NYAP2: variants seen among roughly 807,000 people sequenced by gnomAD.
NYAP2 encodes the protein neuronal tyrosine-phosphorylated phosphoinositide-3-kinase adapter 2.
A neutral mutation model predicts 50.4 loss-of-function variants in NYAP2; 23 were observed. The observed-to-expected ratio is 0.46, with a 90% CI of 0.33 to 0.65. The LOEUF (loss-of-function observed/expected upper bound fraction) is 0.65, where lower values mean the gene tolerates loss of function less well. Among genes scored for constraint, NYAP2 ranks in the 30% least tolerant of loss-of-function variants. The probability of loss-of-function intolerance (pLI) is 0.02; values close to 1 mark genes in which losing one functional copy is unlikely to be tolerated. For synonymous variants in NYAP2, 394 were observed against 365.2 expected (o/e 1.08, Z -0.90); for missense variants, 885 against 861.0 (o/e 1.03, Z -0.35).
At chr2:225,585,488 C>T (rs554730782) in intron 5 of NYAP2, among the ~76,000 whole-genome samples, 1 of 152,336 alleles carries the variant, frequency 6.6e-6, no homozygotes, top group South Asian at 2.1e-4. Flanking sequence ...CAAAAACAAG[C>T]TTTGTGTACT....
intron 3 of NYAP2, among the ~76,000 whole-genome samples, chr2:225,449,596 T>A (rs1689615766): frequency 6.8e-6 from 1 of 147,832 alleles, no homozygotes; most frequent in Admixed American, 6.7e-5. Flanking sequence ...TCTCTCTCTC[T>A]TTCTCTTTTT....
intron 3 of NYAP2, among the ~76,000 whole-genome samples, chr2:225,484,943 A>G (rs1690265025): frequency 2.0e-5 from 3 of 152,260 alleles, no homozygotes; most frequent in Admixed American, 6.5e-5. Flanking sequence ...GGTGAGGCCC[A>G]TCAGTGTGAG....
At chr2:225,407,579 C>T (rs9288607) in intron 2 of NYAP2, among the ~76,000 whole-genome samples, 120,157 of 151,740 alleles carry the variant, frequency 0.79, 47,810 homozygotes, top group Non-Finnish European at 0.82. Context: ...TGGAACATGA[C>T]TATACCTGTA....
At chr2:225,662,723 A>G in the NYAP2 span, among the ~76,000 whole-genome samples, 3 of 152,380 alleles carry the variant, frequency 2.0e-5, no homozygotes, top group Admixed American at 2.0e-4. Flanking sequence ...AGGTGTCAGG[A>G]GTAATCCTAC....
At chr2:225,672,070 G>A in the NYAP2 span, among the ~76,000 whole-genome samples, 1,099 of 152,112 alleles carry the variant, frequency 7.2e-3, 15 homozygotes, top group African/African-American at 0.025. Flanking sequence ...AATAGTAAAT[G>A]AGCATTGGCT....
chr2:225,543,641 C>A (rs1691515994), intron 4 of NYAP2, among the ~76,000 whole-genome samples: 1 of 151,938 alleles, frequency 6.6e-6, no homozygotes, highest in South Asian at 2.1e-4. Flanking sequence ...GATATTATTT[C>A]AATTTTTTTA....
At chr2:225,629,331 AG>A (rs1193494839) in intron 6 of NYAP2, among the ~76,000 whole-genome samples, 1 of 152,186 alleles carries the variant, frequency 6.6e-6, no homozygotes, top group African/African-American at 2.4e-5. Context: ...CACCTAGGTG[AG>A]GGTGATTTTC....
At chr2:225,475,675 A>G (rs761559795) in intron 3 of NYAP2, among the ~76,000 whole-genome samples, 2 of 152,166 alleles carry the variant, frequency 1.3e-5, no homozygotes, top group Non-Finnish European at 2.9e-5. Context: ...GAAATCAGAT[A>G]TTTTGCAATT....
rs779116541 is a variant in NYAP2, at chr2:225,582,091, ACTC to A, written c.680_682del (p.Ser227del). 3.5e-5 allele frequency: 56 copies of A among 1,613,704 alleles called. No homozygotes were observed. Among genetic ancestry groups the A allele is most frequent in the Non-Finnish European group, 4.3e-5 (51 of 1,179,850 alleles). ...CCCCGGAGGACGTCGCTGCCGCGGG[ACTC>A]CTCCTTGTCCCAGATGGGCAGCCCC... On this transcript the variant is annotated inframe_deletion, in exon 5 of 7. Coordinates refer to ENST00000636099, the Ensembl canonical transcript of NYAP2. This position sits in a 1 kb window ranked among gnomAD's most constrained non-coding sequence, Gnocchi z 7.0.
chr2:225,546,532 T>C (rs1186758818), intron 4 of NYAP2, among the ~76,000 whole-genome samples: 2 of 152,064 alleles, frequency 1.3e-5, no homozygotes, highest in South Asian at 2.1e-4. Context: ...CCCAGGTCTC[T>C]TCAGTCAGCT....
chr2:225,636,027 G>A (rs554100476), intron 6 of NYAP2, among the ~76,000 whole-genome samples: 21 of 151,954 alleles, frequency 1.4e-4, no homozygotes, highest in Admixed American at 1.2e-3. Context: ...TTTCTTCAAC[G>A]TATACTTTGT....
intron 3 of NYAP2, among the ~76,000 whole-genome samples, chr2:225,494,600 G>A (rs1186465565): frequency 6.6e-6 from 1 of 152,222 alleles, no homozygotes; most frequent in Non-Finnish European, 1.5e-5. Flanking sequence ...GTCCTAGAGA[G>A]TGTGAGACAG....
At chr2:225,461,829 T>C (rs541896572) in intron 3 of NYAP2, among the ~76,000 whole-genome samples, 54 of 152,340 alleles carry the variant, frequency 3.5e-4, no homozygotes, top group African/African-American at 1.2e-3. Flanking sequence ...ATAATTATTA[T>C]AGACTTTTAA....
chr2:225,472,886 G>A (rs1690035733), intron 3 of NYAP2, among the ~76,000 whole-genome samples: 1 of 151,992 alleles, frequency 6.6e-6, no homozygotes, highest in Non-Finnish European at 1.5e-5. Context: ...GTATACATGT[G>A]CCATGTTGGT....
intron 5 of NYAP2, among the ~76,000 whole-genome samples, chr2:225,616,422 C>T (rs573215694): frequency 1.3e-5 from 2 of 152,184 alleles, no homozygotes; most frequent in Admixed American, 1.3e-4. Flanking sequence ...AGCAGTGCAA[C>T]GAGAAGCCCC....
chr2:225,700,333 A>G, the NYAP2 span: 9 of 151,606 alleles, frequency 5.9e-5, no homozygotes, highest in Non-Finnish European at 1.3e-4. Context: ...GTGTGTGTAC[A>G]TGAACGAATA....
At chr2:225,541,811 C>G (rs920191632) in intron 4 of NYAP2, among the ~76,000 whole-genome samples, 3 of 152,020 alleles carry the variant, frequency 2.0e-5, no homozygotes. Context: ...AATTGTTTTT[C>G]TATTCCTGTG....
rs1381762765 is a variant in NYAP2 at position 225,493,490 on chromosome 2, G to A, written c.222-19881G>A. ...GGAAAATGGGAGATTTTACAGAAATGTGTGGATTTCCATAGTTTCTCAAAA... is the reference window on the plus strand; with the variant it reads ...GGAAAATGGGAGATTTTACAGAAATATGTGGATTTCCATAGTTTCTCAAAA... On this transcript the variant is annotated intron_variant, in intron 3 of 6. Coordinates refer to ENST00000636099, the Ensembl canonical transcript of NYAP2. 2.0e-5 allele frequency among the ~76,000 whole-genome samples: 3 copies of A among 152,156 alleles called. No individual in the cohort carries two copies. The East Asian group carries it at 5.8e-4, about 29-fold the overall frequency.
chr2:225,628,753 C>A (rs550095232), intron 6 of NYAP2, among the ~76,000 whole-genome samples: 3 of 152,224 alleles, frequency 2.0e-5, no homozygotes, highest in Admixed American at 1.3e-4. Flanking sequence ...TGTACCAATT[C>A]TATTGAAAAT....
Sources: allele counts gnomAD v4.1 joint callset (sites outside exome capture counted in the v4.1 genomes callset), GRCh38; gene constraint gnomAD v4.1.1; non-coding constraint Gnocchi (gnomAD v3.1); transcripts MANE v1.5; gene names NCBI Gene and HGNC (gene_info 2026-07-23, HGNC 2026-07-21).